The following ASXL1 variants were observed in gnomAD, a reference collection of about 807,000 sequenced individuals.
ASXL1 encodes the protein polycomb group protein ASXL1.
A neutral mutation model predicts 89.1 loss-of-function variants in ASXL1; 65 were observed. The ratio of observed to expected loss-of-function variants is 0.73; its 90% CI spans 0.60 to 0.90. The LOEUF (loss-of-function observed/expected upper bound fraction) is 0.90. Among genes scored for constraint, ASXL1 ranks in the 40% least tolerant of loss-of-function variants. The pLI is 0.00. For synonymous variants in ASXL1, 739 were observed against 746.9 expected, an observed-to-expected ratio of 0.99 and a Z score of 0.17; for missense variants, 1,786 against 1,942.9, an observed-to-expected ratio of 0.92 and a Z score of 1.52.
chr20:32,426,541 CTTTTTTTTCTTTCTTTTTTTTT>C (rs1325349929), intron 4 of ASXL1, among the ~76,000 whole-genome samples: 6 of 92,564 alleles, frequency 6.5e-5, no homozygotes, highest in Admixed American at 1.2e-4. Context: ...AAACTGTTTT[CTTTTTTTTCTTTCTTTTTTTTT>C]TTTTTTTTTT....
chr20:32,421,694 T>C (rs1379973327), intron 4 of ASXL1, among the ~76,000 whole-genome samples: 2 of 152,082 alleles, frequency 1.3e-5, no homozygotes, highest in Non-Finnish European at 2.9e-5. Flanking sequence ...TACTGATGCA[T>C]GCAACAATGT....
At chr20:32,380,563 G>C (rs925890162) in intron 4 of ASXL1, among the ~76,000 whole-genome samples, 2 of 152,048 alleles carry the variant, frequency 1.3e-5, no homozygotes, top group Admixed American at 1.3e-4. Context: ...ACCAGCCTGG[G>C]CAACATAGCG....
intron 4 of ASXL1, among the ~76,000 whole-genome samples, chr20:32,390,813 CTT>C (rs2122987611): frequency 6.6e-6 from 1 of 152,298 alleles, no homozygotes; most frequent in African/African-American, 2.4e-5. Context: ...TTATATAACA[CTT>C]TGAGTCTGGC....
intron 4 of ASXL1, chr20:32,427,874 G>A (rs1161341865): frequency 2.2e-6 from 1 of 453,192 alleles, no homozygotes; most frequent in Admixed American, 3.2e-5. Flanking sequence ...ACCCTCCCCA[G>A]AACTAACATG....
intron 1 of ASXL1, among the ~76,000 whole-genome samples, chr20:32,361,633 CAAAAAAAAA>C (rs11475139): frequency 4.9e-5 from 5 of 102,330 alleles, no homozygotes; most frequent in Non-Finnish European, 1.0e-4. Flanking sequence ...AGACTCGTCT[CAAAAAAAAA>C]AAAAAAAGAA....
rs2048085554 is a variant in ASXL1, at chr20:32,360,089, AT to A, written c.57+1259del. The A allele has an allele frequency of 7.2e-6, 3 of 416,688 alleles. No individual in the cohort carries two copies. The South Asian group carries it at 9.2e-5, about 13-fold the overall frequency. The allele number at this position is 416,688 out of a possible 1,614,324, so 25.8% of individuals were successfully genotyped here. The stretch of plus-strand genomic sequence containing the variant: ...TGCAAAAAAAAAAAAAATAGACTGT[AT>A]TGGGGGGGTTGACACAAACCTGAAG... On this transcript the variant is annotated intron_variant, in intron 1 of 12. Transcript: ENST00000375687.
intron 2 of ASXL1, 115 bp downstream of exon 2, chr20:32,366,581 A>T: frequency 6.3e-7 from 1 of 1,575,244 alleles, no homozygotes. Flanking sequence ...TGTGTCTGGT[A>T]GTGAGATGGA....
chr20:32,378,598 T>C lies in ASXL1; in HGVS notation c.252+9475T>C, dbSNP rs150062340. ...TTTTCCTAAAGTCATGTGTCAGTGT[T>C]GATTATTGCCCGGTTAGAGGTAGGA... is the stretch of plus-strand genomic sequence containing the variant. On this transcript the variant is annotated intron_variant, in intron 4 of 12. Coordinates refer to ENST00000375687, the MANE Select transcript of ASXL1 (RefSeq NM_015338.6). 2.6e-3 allele frequency among the ~76,000 whole-genome samples: 392 copies of C among 152,256 alleles called. 1 individual carries two copies. Among genetic ancestry groups the C allele is most frequent in the African/African-American group, 8.8e-3 (365 of 41,536 alleles).
At chr20:32,431,125 A>G (rs1416287614) in intron 8 of ASXL1, 196 bp from the exon 9 acceptor site, 7 of 734,876 alleles carry the variant, frequency 9.5e-6, no homozygotes, top group East Asian at 8.2e-5. Flanking sequence ...TGCAACCCCA[A>G]GTGTTCTCCT....
At chr20:32,362,772 T>G (rs2048142409) in intron 1 of ASXL1, among the ~76,000 whole-genome samples, 1 of 152,250 alleles carries the variant, frequency 6.6e-6, no homozygotes, top group South Asian at 2.1e-4. Context: ...AAAAATAGTC[T>G]TTCTTTCACA....
intron 1 of ASXL1, among the ~76,000 whole-genome samples, chr20:32,362,528 C>T (rs1434204712): frequency 3.9e-5 from 6 of 152,090 alleles, no homozygotes; most frequent in African/African-American, 7.2e-5. Context: ...CCCAGCTACT[C>T]GGGAGGCTGA....
Position 32,433,584 on chromosome 20 carries a change from C to T in ASXL1, c.1386C>T (p.Ser462=), listed in dbSNP as rs2123261149. 1 of 1,614,156 alleles carries T rather than the reference C, an allele frequency of 6.2e-7. No homozygotes were observed. The highest frequency in any genetic ancestry group is 8.5e-7 in the Non-Finnish European group (1 of 1,180,030). The change falls in exon 12 of 13, where the codon AGC becomes AGT. Residue 462 remains serine, a synonymous_variant. Coordinates refer to ENST00000375687, the MANE Select transcript of ASXL1 (RefSeq NM_015338.6). ...GEAKTDPAGL[S]SPHLPGTSSA... ...CTAAGACTGACCCAGCAGGGCTGAG[C>T]AGTCCCCATCTGCCAGGCACATCCT...
At chr20:32,368,316 T>C (rs186682633) in intron 3 of ASXL1, among the ~76,000 whole-genome samples, 4 of 152,328 alleles carry the variant, frequency 2.6e-5, no homozygotes, top group Non-Finnish European at 5.9e-5. Context: ...TTTTGTAACC[T>C]GCTGTTGTGG....
intron 1 of ASXL1, 84 bp downstream of exon 1, chr20:32,358,916 C>A: frequency 7.5e-7 from 1 of 1,332,936 alleles, no homozygotes; most frequent in Non-Finnish European, 9.8e-7. Context: ...GGGGGAGGGG[C>A]AAGGCCCTGC....
chr20:32,412,594 A>ATTT (rs377498376), intron 4 of ASXL1, among the ~76,000 whole-genome samples: 5 of 137,536 alleles, frequency 3.6e-5, no homozygotes, highest in South Asian at 2.3e-4. Flanking sequence ...AAAGAAATAA[A>ATTT]TTTTTTTTTT....
At position 32,436,753 on chromosome 20, in the gene ASXL1, T is replaced by C. The variant is rs1443110374; in HGVS notation, c.4041T>C (p.Gly1347=). 1 of 1,614,090 alleles carries C rather than the reference T, an allele frequency of 6.2e-7. No individual in the cohort carries two copies. The highest frequency in any genetic ancestry group is 1.7e-5 in the Admixed American group (1 of 60,018). The part of the protein sequence containing the change: ...KLGPSTNSMS[G]GVQTPREDWA... ...GACCAAGCACAAACTCCATGTCTGG[T>C]GGGGTACAGACTCCAAGGGAAGACT... Residue 1347 remains glycine (G), a synonymous_variant, in exon 13 of 13, where the codon GGT becomes GGC. Transcript: ENST00000375687.
At chr20:32,397,517 A>C in intron 4 of ASXL1, among the ~76,000 whole-genome samples, 2 of 143,194 alleles carry the variant, frequency 1.4e-5, no homozygotes, top group Admixed American at 7.3e-5. Flanking sequence ...CTCCTGCCTC[A>C]CCCTCCCGAG....
chr20:32,378,596 G>A (rs1022752991), intron 4 of ASXL1, among the ~76,000 whole-genome samples: 13 of 152,124 alleles, frequency 8.5e-5, no homozygotes, highest in African/African-American at 2.9e-4. Context: ...ATGTGTCAGT[G>A]TTGATTATTG....
chr20:32,424,642 A>T (rs1471691056), intron 4 of ASXL1, among the ~76,000 whole-genome samples: 1 of 152,208 alleles, frequency 6.6e-6, no homozygotes, highest in African/African-American at 2.4e-5. Context: ...TTCATTTTTT[A>T]AAAAAGATGA....
Sources: gnomAD v4.1 joint callset for allele counts (sites outside exome capture counted in the v4.1 genomes callset) on GRCh38, gnomAD v4.1.1 for gene constraint, MANE v1.5 for transcripts, NCBI Gene and HGNC (gene_info 2026-07-23, HGNC 2026-07-21) for gene names.